Variants in SCN1A observed in about 807,000 individuals in gnomAD.
SCN1A encodes sodium voltage-gated channel alpha subunit 1, also known as sodium channel protein type 1 subunit alpha.
SCN1A carries 13 observed loss-of-function variants against 193.7 expected under a neutral mutation model. That is an observed-to-expected ratio of 0.07 (90% CI 0.04 to 0.11). SCN1A has a LOEUF of 0.11. Ranked by LOEUF, SCN1A falls within the 10% of genes least tolerant of loss-of-function variation. SCN1A has a pLI of 1.00. For missense variants in SCN1A, 1,432 were observed against 2,451.1 expected, an observed-to-expected ratio of 0.58 and a Z score of 8.78; for synonymous variants, 781 against 843.6, an observed-to-expected ratio of 0.93 and a Z score of 1.29.
rs201780170 is a variant in SCN1A at position 166,020,823 on chromosome 2, A to G, written c.3430-5096T>C. On this transcript the variant is annotated intron_variant, in intron 19 of 28. Coordinates refer to ENST00000674923, the MANE Select transcript of SCN1A (RefSeq NM_001165963.4). ...CGTTAAGATATTTGTCCTCTGGGGG[A>G]AAAAAAAAACTAAACAGAAATAATA... 2.9e-4 allele frequency among the ~76,000 whole-genome samples: 43 copies of G among 149,516 alleles called. No homozygotes were observed. The Middle Eastern group carries it at 0.014, about 48-fold the overall frequency.
intron 17 of SCN1A, among the ~76,000 whole-genome samples, chr2:166,038,530 G>C (rs1696754157): frequency 6.6e-6 from 1 of 151,892 alleles, no homozygotes; most frequent in Non-Finnish European, 1.5e-5. Context: ...TAGAGACGGA[G>C]TTTCACCATG....
At chr2:166,148,410 A>G (rs1483391824) in intron 1 of SCN1A, among the ~76,000 whole-genome samples, 1 of 152,194 alleles carries the variant, frequency 6.6e-6, no homozygotes, top group Non-Finnish European at 1.5e-5. Context: ...TTTTACCCAT[A>G]GAGTGAACAA....
rs572978390 is a variant in SCN1A at position 166,116,042 on chromosome 2, C to T, written c.-142+10882G>A. On this transcript the variant is annotated intron_variant, in intron 2 of 28. Transcript: ENST00000674923. ...TTCACAGAAATGCAATTAGTTCTTTCTGAAGGACTAATGGTAAGGTAGATC... is the reference window on the plus strand; with the variant it reads ...TTCACAGAAATGCAATTAGTTCTTTTTGAAGGACTAATGGTAAGGTAGATC... Among the ~76,000 whole-genome samples the T allele has an allele frequency of 2.0e-5, 3 of 152,318 alleles. No individual in the cohort carries two copies. In the East Asian group the frequency reaches 5.8e-4, roughly 29 times the overall value.
At chr2:166,082,838 T>G (rs949286640) in intron 2 of SCN1A, among the ~76,000 whole-genome samples, 11 of 152,056 alleles carry the variant, frequency 7.2e-5, no homozygotes, top group Admixed American at 2.0e-4. Context: ...ATATCTTCAA[T>G]TCTGTCTATA....
At chr2:166,013,342 A>C (rs1692799164) in intron 21 of SCN1A, among the ~76,000 whole-genome samples, 1 of 151,514 alleles carries the variant, frequency 6.6e-6, no homozygotes, top group Non-Finnish European at 1.5e-5. Flanking sequence ...ACTACTGTCC[A>C]TCAAGAGATA....
At chr2:166,080,914 A>T (rs1044488769) in intron 2 of SCN1A, among the ~76,000 whole-genome samples, 1 of 151,932 alleles carries the variant, frequency 6.6e-6, no homozygotes, top group African/African-American at 2.4e-5. Context: ...CCTTCTCGGG[A>T]GACTTTACAA....
At chr2:166,069,410 A>G (rs1684183353) in intron 4 of SCN1A, among the ~76,000 whole-genome samples, 1 of 152,240 alleles carries the variant, frequency 6.6e-6, no homozygotes, top group South Asian at 2.1e-4. Context: ...CAATTTTAGT[A>G]GAATATTTGA....
chr2:166,103,799 G>T (rs377672274), intron 2 of SCN1A, among the ~76,000 whole-genome samples: 16 of 152,110 alleles, frequency 1.1e-4, no homozygotes, highest in East Asian at 3.9e-4. Context: ...TTATGTATTG[G>T]TGAACATAAC....
At chr2:166,004,457 A>C (rs1240787465) in intron 23 of SCN1A, among the ~76,000 whole-genome samples, 3 of 151,068 alleles carry the variant, frequency 2.0e-5, no homozygotes, top group Non-Finnish European at 4.4e-5. Flanking sequence ...CAGCTTTGCC[A>C]CCTCTTTTCC....
intron 19 of SCN1A, among the ~76,000 whole-genome samples, chr2:166,030,346 A>G (rs929469920): frequency 6.6e-6 from 1 of 152,144 alleles, no homozygotes; most frequent in Non-Finnish European, 1.5e-5. Flanking sequence ...ATGCCCTCCA[A>G]TAGTACTTTG....
chr2:166,107,864 G>A (rs1311567468), intron 2 of SCN1A, among the ~76,000 whole-genome samples: 4 of 152,076 alleles, frequency 2.6e-5, no homozygotes, highest in African/African-American at 9.7e-5. Flanking sequence ...TTAAAAATAT[G>A]AGTAAATATG....
At chr2:166,054,608 C>G in intron 7 of SCN1A, 30 bp downstream of exon 7, 1 of 1,610,272 alleles carries the variant, frequency 6.2e-7, no homozygotes, top group Non-Finnish European at 8.5e-7. Context: ...AAACTATGTT[C>G]TCTCTTAAAG....
intron 11 of SCN1A, among the ~76,000 whole-genome samples, chr2:166,047,278 AC>A (rs1462193497): frequency 6.6e-6 from 1 of 152,114 alleles, no homozygotes; most frequent in African/African-American, 2.4e-5. Context: ...CAAGGAACAG[AC>A]CAAAGTTATC....
In SCN1A at chr2:166,144,725, T is replaced by C. The variant is rs1367664274; in HGVS notation, c.-50+4322A>G. On this transcript the variant is annotated intron_variant, in intron 1 of 26. Transcript: ENST00000635750. ...CTACATGAACTATTGAGTTTTGCTT[T>C]GTAGGATAGTGGAACGAGAAGTGAA... Among the ~76,000 whole-genome samples the C allele has an allele frequency of 2.6e-5, 4 of 152,176 alleles. No homozygotes were observed. The East Asian group carries it at 7.7e-4, about 29-fold the overall frequency.
rs1131691747 is a variant in SCN1A at position 166,042,357 on chromosome 2, A to G, written c.2111T>C (p.Leu704Pro). 1.1e-5 allele frequency: 18 copies of G among 1,613,928 alleles called. No homozygotes were observed. The highest frequency in any genetic ancestry group is 1.3e-5 in the Non-Finnish European group (15 of 1,179,844). Residue 704 changes from leucine to proline, a missense_variant, in exon 15 of 29, where the codon CTA becomes CCA. Around this residue, in one of 18 missense-constraint regions of SCN1A, gnomAD observed 316 missense variants for 362.1 expected, o/e 0.87. Coordinates refer to ENST00000674923, the MANE Select transcript of SCN1A (RefSeq NM_001165963.4). ...SSSFHVSMDFLEDPSQRQRAM... is the reference protein window; with the variant it reads ...SSSFHVSMDFPEDPSQRQRAM... The stretch of plus-strand genomic sequence containing the variant: ...TCGTTGCCTTTGGGAAGGATCTTCT[A>G]GAAAGTCCATGGAAACGTGGAAAGA...
chr2:165,991,255 T>C lies in SCN1A; in HGVS notation c.6020A>G (p.Lys2007Arg). Residue 2007 changes from lysine (K) to arginine (R), a missense_variant, in exon 29 of 29, where the codon AAA becomes AGA. This residue lies in a region of SCN1A where 148 missense variants were observed against 160.3 expected (regional missense o/e 0.92). Transcript: ENST00000674923. Reference sequence around the variant, plus strand: ...TTTATTTATTTTCATTTATTTCCCTTTGGCTTTTTCATCTTTGCCTTCTTG... The same window carrying C: ...TTTATTTATTTTCATTTATTTCCCTCTGGCTTTTTCATCTTTGCCTTCTTG... ...HEQEGKDEKA[K>R]GK The C allele has an allele frequency of 6.2e-7, 1 of 1,612,952 alleles. No homozygotes were observed. Among genetic ancestry groups the C allele is most frequent in the African/African-American group, 1.3e-5 (1 of 74,974 alleles).
At chr2:166,118,570 AC>A (rs1454597402) in intron 2 of SCN1A, among the ~76,000 whole-genome samples, 1 of 151,596 alleles carries the variant, frequency 6.6e-6, no homozygotes, top group African/African-American at 2.4e-5. Context: ...TAGACCTGAC[AC>A]CGGACTGTTT....
rs1471694288 is a variant in SCN1A, at chr2:165,991,905, A to C, written c.5370T>G (p.Ser1790Arg). Reference sequence around the variant, plus strand: ...GCTCTGCACTTTCTTCAGTAGCAACACTGAAGTTCTCCAGGATGACCGCGA... The same window carrying C: ...GCTCTGCACTTTCTTCAGTAGCAACCCTGAAGTTCTCCAGGATGACCGCGA... ...MYIAVILENF[S>R]VATEESAEPL... The change falls in exon 29 of 29, where the codon AGT becomes AGG. Residue 1790 changes from serine (S) to arginine (R), a missense_variant. Physicochemically the swap from Ser to Arg is moderately radical, Grantham distance 110. Around this residue, in one of 18 missense-constraint regions of SCN1A, gnomAD observed 59 missense variants for 110.6 expected, o/e 0.53. Transcript: ENST00000674923. 1 of 1,613,860 alleles carries C rather than the reference A, an allele frequency of 6.2e-7. No individual in the cohort carries two copies.
At chr2:166,058,746 A>G in intron 4 of SCN1A, 58 bp from the exon 5 acceptor site, 1 of 935,500 alleles carries the variant, frequency 1.1e-6, no homozygotes, top group Non-Finnish European at 1.8e-6. Context: ...AAACTCTGTT[A>G]TCTACTTTCT....
Sources: gnomAD v4.1 joint callset for allele counts (sites outside exome capture counted in the v4.1 genomes callset) on GRCh38, gnomAD v4.1.1 for gene constraint, gnomAD v4.1.1 regional missense constraint, MANE v1.5 for transcripts, NCBI Gene and HGNC (gene_info 2026-07-23, HGNC 2026-07-21) for gene names.